Variants in NOL4 observed in about 807,000 individuals in gnomAD.
The protein encoded by NOL4 is cancer/testis antigen 125.
A neutral mutation model predicts 75.9 loss-of-function variants in NOL4; 17 were observed. That is an observed-to-expected ratio of 0.22 (90% confidence interval 0.15 to 0.34). NOL4 has a LOEUF of 0.34. NOL4 is among the 10% of genes least tolerant of loss of function. NOL4 has a pLI of 1.00. For missense variants in NOL4, 614 were observed against 793.5 expected, an observed-to-expected ratio of 0.77 and a Z score of 2.72; for synonymous variants, 292 against 289.9, an observed-to-expected ratio of 1.01 and a Z score of -0.07.
At position 33,892,661 on chromosome 18, in the gene NOL4, T is replaced by TC. The variant is rs34558808; in HGVS notation, c.1543-9238_1543-9237insG. 4.8e-3 allele frequency among the ~76,000 whole-genome samples: 712 copies of TC among 149,414 alleles called. 9 individuals are homozygous for TC. The highest frequency in any genetic ancestry group is 0.017 in the African/African-American group (679 of 40,614). ...TTCTTCTCCTTCTCCTTCTTCTTCT[T>TC]TTTTTCTTTCCTTTGAGATGGGGTC... On this transcript the variant is annotated intron_variant, in intron 9 of 10. Coordinates refer to ENST00000261592, the MANE Select transcript of NOL4 (RefSeq NM_003787.5).
intron 1 of NOL4, among the ~76,000 whole-genome samples, chr18:34,220,795 C>A (rs1600919643): frequency 6.6e-6 from 1 of 152,196 alleles, no homozygotes; most frequent in East Asian, 1.9e-4. Context: ...ACATGAGAAC[C>A]ATTATCTAAC....
intron 10 of NOL4, among the ~76,000 whole-genome samples, chr18:33,866,577 G>C (rs968358266): frequency 1.3e-5 from 2 of 152,082 alleles, no homozygotes; most frequent in Non-Finnish European, 2.9e-5. Flanking sequence ...AGTTTATTCA[G>C]TAAATGACCT....
intron 9 of NOL4, among the ~76,000 whole-genome samples, chr18:33,911,397 G>T (rs922077824): frequency 6.6e-6 from 1 of 151,540 alleles, no homozygotes; most frequent in Non-Finnish European, 1.5e-5. Flanking sequence ...CTCCTAAATT[G>T]ACCCTCTACA....
intron 9 of NOL4, among the ~76,000 whole-genome samples, chr18:33,891,261 G>C (rs1039222700): frequency 6.6e-6 from 1 of 152,014 alleles, no homozygotes. Flanking sequence ...GACCTGTAAG[G>C]CTTCTGGGGG....
At chr18:33,963,750 A>T (rs943074007) in intron 6 of NOL4, among the ~76,000 whole-genome samples, 8 of 152,108 alleles carry the variant, frequency 5.3e-5, no homozygotes, top group Non-Finnish European at 1.2e-4. Context: ...GGCTTCTGAG[A>T]ATACATTTGA....
intron 5 of NOL4, among the ~76,000 whole-genome samples, chr18:34,051,737 A>G (rs2076632567): frequency 6.6e-6 from 1 of 152,014 alleles, no homozygotes; most frequent in Non-Finnish European, 1.5e-5. Flanking sequence ...TGAACCAAAC[A>G]GAAAGAAATG....
intron 9 of NOL4, among the ~76,000 whole-genome samples, chr18:33,922,165 A>G (rs1238605939): frequency 6.6e-6 from 1 of 152,204 alleles, no homozygotes; most frequent in Non-Finnish European, 1.5e-5. Context: ...TCAATCAACC[A>G]TATGTAAACT....
intron 10 of NOL4, among the ~76,000 whole-genome samples, chr18:33,862,775 C>G (rs1285547262): frequency 9.2e-5 from 14 of 152,256 alleles, no homozygotes; most frequent in South Asian, 6.2e-4. Flanking sequence ...GAAACAACAG[C>G]TACTGGAGAG....
intron 1 of NOL4, among the ~76,000 whole-genome samples, chr18:34,162,863 C>G (rs1387384471): frequency 6.6e-6 from 1 of 152,178 alleles, no homozygotes; most frequent in Non-Finnish European, 1.5e-5. Flanking sequence ...CAAACGGAAT[C>G]TAGCAGCACA....
chr18:34,217,282 T>TA (rs1012734202), intron 1 of NOL4, among the ~76,000 whole-genome samples: 4 of 152,034 alleles, frequency 2.6e-5, no homozygotes, highest in African/African-American at 7.2e-5. Context: ...CTTTCTTTTT[T>TA]TTTATTTATT....
intron 5 of NOL4, among the ~76,000 whole-genome samples, chr18:34,069,952 C>T (rs540260901): frequency 6.6e-6 from 1 of 152,250 alleles, no homozygotes; most frequent in Non-Finnish European, 1.5e-5. Context: ...ATATAAGATA[C>T]CCCAGTTCTA....
At chr18:34,075,819 G>T (rs1388105406) in intron 5 of NOL4, among the ~76,000 whole-genome samples, 2 of 152,072 alleles carry the variant, frequency 1.3e-5, no homozygotes, top group Non-Finnish European at 2.9e-5. Flanking sequence ...TTCTTTGAGT[G>T]CATTTGAATT....
At chr18:34,022,101 T>C (rs1286867010) in intron 5 of NOL4, among the ~76,000 whole-genome samples, 1 of 144,384 alleles carries the variant, frequency 6.9e-6, no homozygotes, top group Non-Finnish European at 1.5e-5. Flanking sequence ...CGAAACTGCA[T>C]CTCAAAAAAA....
rs564213896 is a variant in NOL4 at position 33,990,430 on chromosome 18, A to G, written c.1056+28888T>C. On this transcript the variant is annotated intron_variant, in intron 6 of 10. Transcript: ENST00000261592. ...ATCTCTTTGTCCCCTTAATTTTTGT[A>G]GAACAGAACATGCTTCCTGTTTCTC... Among the ~76,000 whole-genome samples, 15 of 152,100 alleles carry G rather than the reference A, an allele frequency of 9.9e-5. 1 individual carries two copies. The highest frequency in any genetic ancestry group is 3.4e-3 in the Middle Eastern group (1 of 292).
At chr18:34,153,107 A>G (rs2081723516) in intron 1 of NOL4, among the ~76,000 whole-genome samples, 1 of 151,882 alleles carries the variant, frequency 6.6e-6, no homozygotes, top group South Asian at 2.1e-4. Context: ...AGTTGTTTCT[A>G]TTAAAGGTAA....
intron 1 of NOL4, among the ~76,000 whole-genome samples, chr18:34,180,280 A>G (rs1467072123): frequency 1.3e-5 from 2 of 151,646 alleles, no homozygotes; most frequent in African/African-American, 4.8e-5. Flanking sequence ...ATACAAAAGC[A>G]TATGCTATCA....
intron 1 of NOL4, among the ~76,000 whole-genome samples, chr18:34,164,960 A>C (rs1229494961): frequency 1.3e-5 from 2 of 152,076 alleles, no homozygotes; most frequent in Non-Finnish European, 1.5e-5. Flanking sequence ...ATGAAACTGG[A>C]AGTCATCATT....
intron 6 of NOL4, among the ~76,000 whole-genome samples, chr18:33,978,068 T>C (rs1201880343): frequency 6.6e-6 from 1 of 152,092 alleles, no homozygotes; most frequent in African/African-American, 2.4e-5. Flanking sequence ...GCAAGGAAAA[T>C]TTGGAAATGC....
chr18:33,880,120 T>A (rs2064171771), intron 10 of NOL4, among the ~76,000 whole-genome samples: 1 of 152,102 alleles, frequency 6.6e-6, no homozygotes, highest in African/African-American at 2.4e-5. Flanking sequence ...AAAGAACATT[T>A]GCACTGTCTT....
Sources: allele counts gnomAD v4.1 joint callset (sites outside exome capture counted in the v4.1 genomes callset), GRCh38; gene constraint gnomAD v4.1.1; transcripts MANE v1.5; gene names NCBI Gene and HGNC (gene_info 2026-07-23, HGNC 2026-07-21).